Variants in SLC38A1 observed in about 807,000 individuals in gnomAD.
The protein encoded by SLC38A1 is solute carrier family 38 member 1.
Under a neutral mutation model 60.3 loss-of-function variants are expected in SLC38A1, and 18 were observed. The observed-to-expected ratio is 0.30, with a 90% CI of 0.21 to 0.44. The LOEUF (loss-of-function observed/expected upper bound fraction) is 0.44. SLC38A1 is among the 20% of genes least tolerant of loss of function. The pLI, the probability that SLC38A1 is intolerant of heterozygous loss-of-function variation, is 1.00. For synonymous variants in SLC38A1, 196 were observed against 212.1 expected, an observed-to-expected ratio of 0.92 and a Z score of 0.66; for missense variants, 448 against 587.2, an observed-to-expected ratio of 0.76 and a Z score of 2.45.
intron 8 of SLC38A1, among the ~76,000 whole-genome samples, 182 bp from the exon 9 acceptor site, chr12:46,206,344 C>T (rs150278087): frequency 6.1e-4 from 92 of 151,802 alleles, no homozygotes; most frequent in Non-Finnish European, 7.8e-4. Flanking sequence ...TTATATACTA[C>T]AGCTTCACTC....
chr12:46,263,140 G>A (rs1312363386), intron 1 of SLC38A1, among the ~76,000 whole-genome samples: 1 of 152,170 alleles, frequency 6.6e-6, no homozygotes, highest in Non-Finnish European at 1.5e-5. Context: ...ACACACAACA[G>A]TCTCTGACTT....
intron 1 of SLC38A1, among the ~76,000 whole-genome samples, chr12:46,266,779 T>A (rs563822337): frequency 3.3e-5 from 5 of 152,234 alleles, no homozygotes; most frequent in Non-Finnish European, 7.4e-5. Flanking sequence ...CACATTTTTT[T>A]AAAAAGCGAA....
chr12:46,234,526 C>A (rs927234057), intron 3 of SLC38A1, among the ~76,000 whole-genome samples: 4 of 150,528 alleles, frequency 2.7e-5, no homozygotes, highest in Non-Finnish European at 5.9e-5. Context: ...CGGCTCACTG[C>A]AAGCTCCGCC....
At position 46,189,048 on chromosome 12, in the gene SLC38A1, C is replaced by A. The variant is rs1186069408; in HGVS notation, c.1386G>T (p.Gly462=). Residue 462 remains glycine (G), a synonymous_variant, in exon 17 of 17, where the codon GGG becomes GGT. Transcript: ENST00000398637. ...GAATGCTGACCAAGGAGAACAACAC[C>A]CCCAGGCCCAAGAAAAGGGCAGCCT... ...RIWAALFLGL[G]VLFSLVSIPL... 1 of 1,613,544 alleles carries A rather than the reference C, an allele frequency of 6.2e-7. No individual in the cohort carries two copies. Among genetic ancestry groups the A allele is most frequent in the South Asian group, 1.1e-5 (1 of 91,022 alleles).
chr12:46,217,353 C>T (rs1285954359), intron 5 of SLC38A1, among the ~76,000 whole-genome samples: 1 of 152,058 alleles, frequency 6.6e-6, no homozygotes, highest in Non-Finnish European at 1.5e-5. Flanking sequence ...AAAATAAGAC[C>T]AAACAAAAAT....
At chr12:46,256,759 T>C (rs1942045063) in intron 1 of SLC38A1, among the ~76,000 whole-genome samples, 1 of 152,154 alleles carries the variant, frequency 6.6e-6, no homozygotes, top group Admixed American at 6.5e-5. Flanking sequence ...ATCACAGCCC[T>C]GGGGGCCAAG....
intron 7 of SLC38A1, 45 bp from the exon 8 acceptor site, chr12:46,207,281 T>C (rs1173427276): frequency 6.6e-7 from 1 of 1,508,540 alleles, no homozygotes; most frequent in Non-Finnish European, 9.2e-7. Context: ...TACGAAGGCT[T>C]ATGTTGCAAG....
chr12:46,204,995 A>G, intron 9 of SLC38A1, among the ~76,000 whole-genome samples: 1 of 152,190 alleles, frequency 6.6e-6, no homozygotes, highest in East Asian at 1.9e-4. Context: ...ATAGCTCTTT[A>G]TTATGCACTT....
chr12:46,228,393 T>A (rs1940946713), intron 5 of SLC38A1, among the ~76,000 whole-genome samples: 1 of 152,190 alleles, frequency 6.6e-6, no homozygotes, highest in African/African-American at 2.4e-5. Flanking sequence ...ACAAGGACTA[T>A]CTAGCCAGGC....
chr12:46,226,218 A>G (rs1341344202), intron 5 of SLC38A1, among the ~76,000 whole-genome samples: 2 of 152,158 alleles, frequency 1.3e-5, no homozygotes, highest in African/African-American at 4.8e-5. Flanking sequence ...GGGACTGACT[A>G]AAACAACCAT....
chr12:46,217,371 T>A (rs1490089476), intron 5 of SLC38A1, among the ~76,000 whole-genome samples: 1 of 152,208 alleles, frequency 6.6e-6, no homozygotes, highest in Non-Finnish European at 1.5e-5. Context: ...AATCTTAGAA[T>A]GAAATACATT....
At chr12:46,199,750 A>G (rs1339799742) in intron 13 of SLC38A1, among the ~76,000 whole-genome samples, 1 of 152,132 alleles carries the variant, frequency 6.6e-6, no homozygotes, top group Non-Finnish European at 1.5e-5. Flanking sequence ...CACATAGAGT[A>G]TGGAACTGCT....
chr12:46,225,458 G>T (rs1451251503), intron 5 of SLC38A1, among the ~76,000 whole-genome samples: 1 of 152,144 alleles, frequency 6.6e-6, no homozygotes, highest in African/African-American at 2.4e-5. Flanking sequence ...TGAAAATTGG[G>T]AACTGAGTGA....
chr12:46,234,982 C>A (rs1941209720), intron 3 of SLC38A1, among the ~76,000 whole-genome samples: 2 of 152,178 alleles, frequency 1.3e-5, no homozygotes, highest in South Asian at 2.1e-4. Flanking sequence ...AAAAAGAGTT[C>A]TCATTGGGTG....
intron 5 of SLC38A1, among the ~76,000 whole-genome samples, chr12:46,223,155 T>G (rs1940725255): frequency 1.3e-5 from 2 of 152,216 alleles, no homozygotes; most frequent in African/African-American, 2.4e-5. Flanking sequence ...TAGATCACGC[T>G]GGCTCTAGAG....
chr12:46,189,065 G>A lies in SLC38A1; in HGVS notation c.1369C>T (p.Leu457Phe). 6.2e-7 allele frequency: 1 copy of A among 1,613,540 alleles called. No homozygotes were observed. The highest frequency in any genetic ancestry group is 1.1e-5 in the South Asian group (1 of 91,028). Reference protein sequence around the residue: ...DKGTQRIWAALFLGLGVLFSL... With the variant: ...DKGTQRIWAAFFLGLGVLFSL... ...AACAACACCCCCAGGCCCAAGAAAA[G>A]GGCAGCCTGGAGCAAGAGAAAGGCA... The change falls in exon 17 of 17, where the codon CTT becomes TTT. Residue 457 changes from leucine to phenylalanine, a missense_variant. By Grantham distance (22) the Leu-to-Phe change is conservative (BLOSUM62 0). Around this residue, in one of 2 missense-constraint regions of SLC38A1, gnomAD observed 346 missense variants for 497.5 expected, o/e 0.70. Coordinates refer to ENST00000398637, the MANE Select transcript of SLC38A1 (RefSeq NM_030674.4).
chr12:46,238,210 A>C (rs1941323720), intron 3 of SLC38A1, among the ~76,000 whole-genome samples: 1 of 148,896 alleles, frequency 6.7e-6, no homozygotes, highest in Non-Finnish European at 1.5e-5. Context: ...TTACTCAAAA[A>C]AGATGAAAGA....
intron 5 of SLC38A1, among the ~76,000 whole-genome samples, chr12:46,212,217 C>T (rs1565764363): frequency 1.3e-5 from 2 of 152,060 alleles, no homozygotes; most frequent in African/African-American, 4.8e-5. Flanking sequence ...ATGATTATGC[C>T]CCTAATTGTC....
In SLC38A1 at chr12:46,200,674, C is replaced by A. The variant is rs112334411; in HGVS notation, c.1003+424G>T. Among the ~76,000 whole-genome samples the A allele has an allele frequency of 3.2e-3, 488 of 152,242 alleles. 5 individuals carry two copies. The highest frequency in any genetic ancestry group is 0.01 in the African/African-American group (429 of 41,552). The stretch of plus-strand genomic sequence containing the variant: ...ACTTCCAGTGAACAATTAGAAGTTT[C>A]ATTTTTAATTAACTCAGAGTGTCAT... On this transcript the variant is annotated intron_variant, in intron 13 of 16. Coordinates refer to ENST00000398637, the MANE Select transcript of SLC38A1 (RefSeq NM_030674.4).
Sources: gnomAD v4.1 joint callset for allele counts (sites outside exome capture counted in the v4.1 genomes callset) on GRCh38, gnomAD v4.1.1 for gene constraint, gnomAD v4.1.1 regional missense constraint, MANE v1.5 for transcripts, NCBI Gene and HGNC (gene_info 2026-07-23, HGNC 2026-07-21) for gene names.